Variants in NFAM1 observed in about 807,000 individuals in gnomAD.
The protein encoded by NFAM1 is NFAT activation molecule 1.
Under a neutral mutation model 29.0 loss-of-function variants are expected in NFAM1, and 17 were observed. The observed-to-expected ratio is 0.59, with a 90% CI of 0.40 to 0.88. The LOEUF (loss-of-function observed/expected upper bound fraction) is 0.88. Ranked by LOEUF, NFAM1 falls within the 40% of genes least tolerant of loss-of-function variation. NFAM1 has a pLI of 0.00. For synonymous variants in NFAM1, 175 were observed against 147.2 expected (o/e 1.19, Z -1.36); for missense variants, 324 against 344.6 (o/e 0.94, Z 0.47).
chr22:42,417,178 T>A (rs1243371412), intron 1 of NFAM1, among the ~76,000 whole-genome samples: 1 of 152,196 alleles, frequency 6.6e-6, no homozygotes, highest in Admixed American at 6.5e-5. Flanking sequence ...CACACAGGCT[T>A]CAGGTGGCCT....
Position 42,432,250 on chromosome 22 carries a change from G to T in NFAM1, c.108C>A (p.Thr36=). Residue 36 remains threonine (T), a synonymous_variant, in exon 1 of 6, where the codon ACC becomes ACA. Coordinates refer to ENST00000329021, the MANE Select transcript of NFAM1 (RefSeq NM_145912.8). Reference sequence around the variant, plus strand: ...GACAGACACTACCTGCCAGTCGCAGGGTCCCGGGCAGCAGCAGCACGCCAA... The same window carrying T: ...GACAGACACTACCTGCCAGTCGCAGTGTCCCGGGCAGCAGCAGCACGCCAA... ...LLLGVLLLPG[T]LRLAGGQSVT... is the part of the protein sequence containing the mutation. The T allele has an allele frequency of 5.1e-6, 8 of 1,573,120 alleles. No individual in the cohort carries two copies. The highest frequency in any genetic ancestry group is 6.9e-6 in the Non-Finnish European group (8 of 1,158,766).
chr22:42,386,971 GC>G lies in NFAM1; in HGVS notation c.753+17del. The G allele has an allele frequency of 1.4e-6, 2 of 1,397,154 alleles. No homozygotes were observed. The highest frequency in any genetic ancestry group is 9.8e-7 in the Non-Finnish European group (1 of 1,025,178). 86.5% of individuals were successfully genotyped at this position (1,397,154 alleles called of 1,614,324 possible). A position where few individuals can be genotyped will look rare whatever the true frequency, so the allele number is the denominator to read the frequency against. On this transcript the variant is annotated intron_variant, in intron 5 of 5. Transcript: ENST00000329021. ...GATGGAGCAAGAAGCCAGGCTTGGT[GC>G]CCCAGCGCCTGTGTACCTGGGAGAG...
intron 1 of NFAM1, among the ~76,000 whole-genome samples, chr22:42,424,596 G>A (rs1930562665): frequency 6.6e-6 from 1 of 152,196 alleles, no homozygotes; most frequent in Non-Finnish European, 1.5e-5. Context: ...GCTGAACTTG[G>A]AAGGAAGAGA....
intron 4 of NFAM1, among the ~76,000 whole-genome samples, chr22:42,394,705 T>A (rs910858049): frequency 6.6e-5 from 10 of 151,878 alleles, no homozygotes; most frequent in Admixed American, 3.9e-4. Flanking sequence ...GACTATATTT[T>A]AAAAAAAACC....
chr22:42,431,775 T>TCCCCCCCC (rs34684252), intron 1 of NFAM1, among the ~76,000 whole-genome samples: 27 of 146,800 alleles, frequency 1.8e-4, no homozygotes, highest in South Asian at 4.3e-4. Flanking sequence ...GGCCCTGGTA[T>TCCCCCCCC]CCCCCCCTCC....
rs924859948 is a variant in NFAM1, at chr22:42,409,944, G to T, written c.452-397C>A. Among the ~76,000 whole-genome samples, 1 of 152,164 alleles carries T rather than the reference G, an allele frequency of 6.6e-6. No homozygotes were observed. Among genetic ancestry groups the T allele is most frequent in the Non-Finnish European group, 1.5e-5 (1 of 68,024 alleles). On this transcript the variant is annotated intron_variant, in intron 2 of 5. Coordinates refer to ENST00000329021, the MANE Select transcript of NFAM1 (RefSeq NM_145912.8). This position sits in a 1 kb window ranked among gnomAD's most constrained non-coding sequence, Gnocchi z 4.9. Reference sequence around the variant, plus strand: ...GGATTTATCCTGGGACTGACAGGGGGCTGCACCCAGGCTAGGTGAGGCCCA... The same window carrying T: ...GGATTTATCCTGGGACTGACAGGGGTCTGCACCCAGGCTAGGTGAGGCCCA...
chr22:42,413,621 C>A (rs896283921), intron 1 of NFAM1, among the ~76,000 whole-genome samples: 16 of 150,826 alleles, frequency 1.1e-4, no homozygotes, highest in Non-Finnish European at 2.1e-4. Flanking sequence ...ACTAAAAATA[C>A]AAAAAAAGAA....
intron 2 of NFAM1, 100 bp downstream of exon 2, chr22:42,411,307 C>T (rs975152865): frequency 1.5e-5 from 14 of 931,922 alleles, no homozygotes; most frequent in African/African-American, 1.5e-4. Context: ...GTGTGAGCCA[C>T]TGCGCCTGGC....
intron 1 of NFAM1, among the ~76,000 whole-genome samples, chr22:42,421,919 G>A (rs556836208): frequency 6.6e-5 from 10 of 152,274 alleles, no homozygotes; most frequent in African/African-American, 2.2e-4. Context: ...CAAATCCCAG[G>A]ATGCCACAGA....
At chr22:42,414,971 A>G (rs1202937120) in intron 1 of NFAM1, among the ~76,000 whole-genome samples, 1 of 152,186 alleles carries the variant, frequency 6.6e-6, no homozygotes, top group African/African-American at 2.4e-5. Context: ...CCGTTGTTCT[A>G]TATTCTTTTG....
intron 2 of NFAM1, chr22:42,410,353 C>G (rs1824738256): frequency 3.0e-6 from 1 of 336,424 alleles, no homozygotes. Flanking sequence ...GGGATCATCA[C>G]TCCTTTGAGA....
At chr22:42,385,321 C>T (rs1929100112) in intron 5 of NFAM1, 101 bp from the exon 6 acceptor site, 1 of 858,922 alleles carries the variant, frequency 1.2e-6, no homozygotes. Context: ...GGCAACAGAT[C>T]ACTTCCTGTG....
At chr22:42,415,396 T>G (rs184705827) in intron 1 of NFAM1, among the ~76,000 whole-genome samples, 107 of 150,742 alleles carry the variant, frequency 7.1e-4, no homozygotes, top group African/African-American at 2.5e-3. Context: ...ACCTCCTGGG[T>G]TCACGCCATT....
chr22:42,386,454 A>C (rs1359339647), intron 5 of NFAM1, among the ~76,000 whole-genome samples: 1 of 148,602 alleles, frequency 6.7e-6, no homozygotes, highest in Non-Finnish European at 1.5e-5. Context: ...AAAGAGAGAA[A>C]GTATGATTGG....
upstream of NFAM1, among the ~76,000 whole-genome samples, chr22:42,435,747 C>T (rs577634846): frequency 2.0e-4 from 30 of 151,876 alleles, no homozygotes; most frequent in South Asian, 1.7e-3. Context: ...GCCCTCAAGG[C>T]GCTCCCTGTC....
intron 3 of NFAM1, among the ~76,000 whole-genome samples, chr22:42,404,768 T>C (rs1016570658): frequency 2.0e-5 from 3 of 148,432 alleles, no homozygotes; most frequent in Non-Finnish European, 3.0e-5. Context: ...GGCAGGAGAA[T>C]CACTTGAATC....
chr22:42,429,597 C>G (rs1930730295), intron 1 of NFAM1, among the ~76,000 whole-genome samples: 1 of 152,206 alleles, frequency 6.6e-6, no homozygotes, highest in Admixed American at 6.5e-5. Context: ...GCCTGGGCAA[C>G]AGAGCGAGAC....
chr22:42,415,195 A>T (rs1335858350), intron 1 of NFAM1, among the ~76,000 whole-genome samples: 1 of 151,654 alleles, frequency 6.6e-6, no homozygotes, highest in Admixed American at 6.6e-5. Flanking sequence ...CCGGGGGAGG[A>T]GAGGAGGTCC....
intron 2 of NFAM1, 97 bp downstream of exon 2, chr22:42,411,310 C>G: frequency 1.0e-6 from 1 of 961,128 alleles, no homozygotes; most frequent in Non-Finnish European, 1.6e-6. Context: ...TGAGCCACTG[C>G]GCCTGGCCCC....
Sources: gnomAD v4.1 joint callset for allele counts (sites outside exome capture counted in the v4.1 genomes callset) on GRCh38, gnomAD v4.1.1 for gene constraint, Gnocchi (gnomAD v3.1) non-coding constraint, MANE v1.5 for transcripts, NCBI Gene and HGNC (gene_info 2026-07-23, HGNC 2026-07-21) for gene names.